The following HPSE2 variants were observed in gnomAD, a reference collection of about 807,000 sequenced individuals.
HPSE2 encodes the protein inactive heparanase-2.
Under a neutral mutation model 60.5 loss-of-function variants are expected in HPSE2, and 38 were observed. The ratio of observed to expected loss-of-function variants is 0.63; its 90% CI spans 0.48 to 0.82. The LOEUF is 0.82. HPSE2 is among the 40% of genes least tolerant of loss of function. The pLI is 0.00. For missense variants in HPSE2, 713 were observed against 740.4 expected (o/e 0.96, Z 0.43); for synonymous variants, 295 against 293.2 (o/e 1.01, Z -0.06).
intron 2 of HPSE2, among the ~76,000 whole-genome samples, chr10:99,183,205 C>T (rs1847845762): frequency 6.6e-6 from 1 of 151,934 alleles, no homozygotes; most frequent in Admixed American, 6.6e-5. Context: ...TTAAGAGTGG[C>T]CAAGGCAACT....
At chr10:98,545,559 G>A (rs1357433972) in intron 9 of HPSE2, among the ~76,000 whole-genome samples, 1 of 152,120 alleles carries the variant, frequency 6.6e-6, no homozygotes, top group African/African-American at 2.4e-5. Context: ...AAAACCACAT[G>A]ATTATCTCAA....
At chr10:98,737,272 A>G (rs1949382829) in intron 4 of HPSE2, among the ~76,000 whole-genome samples, 1 of 93,094 alleles carries the variant, frequency 1.1e-5, no homozygotes, top group African/African-American at 3.6e-5. Context: ...GCACATTTAT[A>G]TATTAAACAT....
At chr10:98,563,034 G>A (rs1268859095) in intron 9 of HPSE2, among the ~76,000 whole-genome samples, 4 of 152,094 alleles carry the variant, frequency 2.6e-5, no homozygotes, top group Non-Finnish European at 5.9e-5. Flanking sequence ...TCCTCAAAAG[G>A]TTACACACAG....
chr10:98,887,941 A>AAATAG, intron 3 of HPSE2, among the ~76,000 whole-genome samples: 1 of 151,178 alleles, frequency 6.6e-6, no homozygotes, highest in Non-Finnish European at 1.5e-5. Flanking sequence ...TAATAAAATA[A>AAATAG]AAAATTAAAA....
At chr10:98,837,679 T>C (rs1442045515) in intron 3 of HPSE2, among the ~76,000 whole-genome samples, 1 of 151,268 alleles carries the variant, frequency 6.6e-6, no homozygotes, top group African/African-American at 2.4e-5. Context: ...TCGAGACCAT[T>C]CTGCCTAACA....
chr10:99,307,448 T>G, the HPSE2 span, among the ~76,000 whole-genome samples: 1 of 152,178 alleles, frequency 6.6e-6, no homozygotes, highest in Non-Finnish European at 1.5e-5. Flanking sequence ...CAATACACTG[T>G]GTGATACATG....
chr10:98,484,658 T>C (rs1034801318), intron 10 of HPSE2, among the ~76,000 whole-genome samples: 8 of 152,380 alleles, frequency 5.3e-5, no homozygotes, highest in Non-Finnish European at 1.0e-4. Context: ...TTTTAATATA[T>C]AAAAGTTAAA....
intron 2 of HPSE2, among the ~76,000 whole-genome samples, chr10:99,178,768 A>G (rs1450829094): frequency 6.6e-6 from 1 of 152,220 alleles, no homozygotes; most frequent in Non-Finnish European, 1.5e-5. Context: ...AACTCATTTT[A>G]TGAGCCCAAC....
chr10:98,947,503 C>T (rs528634929), intron 3 of HPSE2, among the ~76,000 whole-genome samples: 50 of 152,120 alleles, frequency 3.3e-4, no homozygotes, highest in Admixed American at 1.1e-3. Flanking sequence ...CAAGAGGCAG[C>T]GGATAAATTC....
At chr10:99,124,038 G>A (rs1240307507) in intron 3 of HPSE2, among the ~76,000 whole-genome samples, 1 of 152,136 alleles carries the variant, frequency 6.6e-6, no homozygotes, top group Non-Finnish European at 1.5e-5. Flanking sequence ...GCAGCCTTCA[G>A]CAAAAAGGGG....
intron 7 of HPSE2, among the ~76,000 whole-genome samples, chr10:98,624,946 C>T (rs1410615077): frequency 1.3e-5 from 2 of 152,210 alleles, no homozygotes; most frequent in Non-Finnish European, 2.9e-5. Context: ...TGGTAGGATT[C>T]TGAACTACCA....
intron 3 of HPSE2, among the ~76,000 whole-genome samples, chr10:99,028,445 G>A (rs1043295707): frequency 1.3e-5 from 2 of 151,978 alleles, no homozygotes; most frequent in Non-Finnish European, 2.9e-5. Flanking sequence ...AAAGATAAAT[G>A]TAATAAAAAT....
intron 3 of HPSE2, among the ~76,000 whole-genome samples, chr10:98,925,871 C>G (rs529092716): frequency 2.6e-5 from 4 of 152,096 alleles, no homozygotes. Flanking sequence ...GCTTCTTCAG[C>G]GCCAAGTTTG....
chr10:99,278,960 C>T, the HPSE2 span, among the ~76,000 whole-genome samples: 1 of 152,116 alleles, frequency 6.6e-6, no homozygotes, highest in Non-Finnish European at 1.5e-5. Context: ...GCAAGTATTT[C>T]CCTTTCAAAA....
intron 3 of HPSE2, among the ~76,000 whole-genome samples, chr10:98,764,127 T>C (rs1589786336): frequency 6.6e-6 from 1 of 152,296 alleles, no homozygotes; most frequent in African/African-American, 2.4e-5. Flanking sequence ...ATTTTGGTTA[T>C]AATTATAATT....
intron 3 of HPSE2, among the ~76,000 whole-genome samples, chr10:98,907,613 G>T (rs572453786): frequency 1.2e-4 from 19 of 152,302 alleles, no homozygotes; most frequent in Admixed American, 7.8e-4. Flanking sequence ...AGGAAAACAG[G>T]ATAAATAGGA....
intron 3 of HPSE2, among the ~76,000 whole-genome samples, chr10:99,019,716 G>GT (rs527577817): frequency 0.16 from 23,747 of 144,696 alleles, 2,736 homozygotes; most frequent in African/African-American, 0.32. Context: ...GTTTTTTGTT[G>GT]TTTTTTTTTT....
At chr10:99,224,104 A>G (rs1330985180) in intron 2 of HPSE2, among the ~76,000 whole-genome samples, 1 of 152,092 alleles carries the variant, frequency 6.6e-6, no homozygotes, top group Non-Finnish European at 1.5e-5. Context: ...GGTTGCCCCA[A>G]TATCTAGCAC....
At chr10:98,845,371 C>T (rs1323123068) in intron 3 of HPSE2, among the ~76,000 whole-genome samples, 1 of 152,190 alleles carries the variant, frequency 6.6e-6, no homozygotes, top group East Asian at 1.9e-4. Flanking sequence ...TGGTTGGTAG[C>T]AGTGATGACA....
Sources: gnomAD v4.1 joint callset for allele counts (sites outside exome capture counted in the v4.1 genomes callset) on GRCh38, gnomAD v4.1.1 for gene constraint, MANE v1.5 for transcripts, NCBI Gene and HGNC (gene_info 2026-07-23, HGNC 2026-07-21) for gene names.